The following RRAGC variants were observed in gnomAD, a reference collection of about 807,000 sequenced individuals.
RRAGC encodes ras-related GTP-binding protein C.
Under a neutral mutation model 37.1 loss-of-function variants are expected in RRAGC, and 8 were observed. The ratio of observed to expected loss-of-function variants is 0.22; its 90% CI spans 0.13 to 0.39. The LOEUF (loss-of-function observed/expected upper bound fraction) is 0.39. Among genes scored for constraint, RRAGC ranks in the 10% least tolerant of loss-of-function variants. The pLI is 1.00. For synonymous variants in RRAGC, 190 were observed against 181.1 expected, an observed-to-expected ratio of 1.05 and a Z score of -0.39; for missense variants, 342 against 497.6, an observed-to-expected ratio of 0.69 and a Z score of 2.98.
rs1411578344 is a variant in RRAGC, at chr1:38,852,404, G to C, written c.726C>G (p.Thr242=). The C allele has an allele frequency of 1.2e-6, 2 of 1,602,040 alleles. No homozygotes were observed. Among genetic ancestry groups the C allele is most frequent in the East Asian group, 2.2e-5 (1 of 44,726 alleles). Residue 242 remains threonine, a synonymous_variant, in exon 4 of 7, where the codon ACC becomes ACG. Transcript: ENST00000373001. ...VVQKLIPQLP[T]LENLLNIFIS... ...TAAAGATATTTAATAGGTTTTCCAA[G>C]GTCGGCAGTTGTGGAATGAGTTTCT...
chr1:38,842,947 T>C (rs936808649), intron 6 of RRAGC, among the ~76,000 whole-genome samples: 19 of 152,060 alleles, frequency 1.2e-4, no homozygotes, highest in Non-Finnish European at 2.6e-4. Context: ...CAATACTCTA[T>C]TGTTTAAGGA....
At position 38,854,260 on chromosome 1, in the gene RRAGC, A is replaced by C. The variant is rs368621250; in HGVS notation, c.641+1448T>G. Among the ~76,000 whole-genome samples the C allele has an allele frequency of 1.5e-4, 23 of 152,046 alleles. No individual in the cohort carries two copies. The East Asian group carries it at 4.3e-3, about 28-fold the overall frequency. ...TTTTTTGTATTTTTAGTAGAGACGGAGTTTCGCCATGTTGGCCAGGCTGGT... is the reference window on the plus strand; with the variant it reads ...TTTTTTGTATTTTTAGTAGAGACGGCGTTTCGCCATGTTGGCCAGGCTGGT... On this transcript the variant is annotated intron_variant, in intron 3 of 6. Coordinates refer to ENST00000373001, the MANE Select transcript of RRAGC (RefSeq NM_022157.4).
At chr1:38,844,982 CT>C (rs1310101790) in intron 6 of RRAGC, among the ~76,000 whole-genome samples, 2 of 152,160 alleles carry the variant, frequency 1.3e-5, no homozygotes, top group African/African-American at 4.8e-5. Context: ...ACAACAGATG[CT>C]GGAGAGGATG....
intron 5 of RRAGC, among the ~76,000 whole-genome samples, chr1:38,848,935 C>G (rs759197758): frequency 1.3e-5 from 2 of 151,830 alleles, no homozygotes; most frequent in Non-Finnish European, 2.9e-5. Context: ...AATTCAAGAC[C>G]AGCCTAGGCA....
chr1:38,855,673 T>C, intron 3 of RRAGC, 35 bp downstream of exon 3: 1 of 1,537,724 alleles, frequency 6.5e-7, no homozygotes, highest in Non-Finnish European at 9.0e-7. Context: ...TTACACCTTG[T>C]TCAGGGCTTT....
intron 1 of RRAGC, 124 bp downstream of exon 1, chr1:38,859,286 T>C: frequency 1.1e-6 from 1 of 910,946 alleles, no homozygotes; most frequent in Non-Finnish European, 1.6e-6. Context: ...CTCGCAAGAG[T>C]GGAAGAGAAA....
chr1:38,849,295 T>A (rs1029546707), intron 5 of RRAGC, among the ~76,000 whole-genome samples: 4 of 152,090 alleles, frequency 2.6e-5, no homozygotes, highest in Admixed American at 2.0e-4. Context: ...GTAATTCTCC[T>A]GCCTCATCCT....
Position 38,839,589 on chromosome 1 carries a change from C to T in RRAGC, c.1164G>A (p.Ala388=), listed in dbSNP as rs142105571. ...TTCGTGGCGTGCCATTGTGTGTCAG[C>T]GCTTTCAGACTGGAGGCACTAGTCT... The part of the protein sequence containing the change: ...GHQTSASSLK[A]LTHNGTPRNA... The change falls in exon 7 of 7, where the codon GCG becomes GCA. Residue 388 remains alanine (A), a synonymous_variant. Transcript: ENST00000373001. 262 of 1,613,938 alleles carry T rather than the reference C, an allele frequency of 1.6e-4. No individual in the cohort carries two copies. The highest frequency in any genetic ancestry group is 2.3e-4 in the African/African-American group (17 of 74,884).
intron 5 of RRAGC, among the ~76,000 whole-genome samples, chr1:38,851,279 T>TAAAA (rs1642098353): frequency 6.6e-6 from 1 of 152,018 alleles, no homozygotes; most frequent in South Asian, 2.1e-4. Flanking sequence ...TCAGACCATT[T>TAAAA]TAAATTAATC....
intron 5 of RRAGC, among the ~76,000 whole-genome samples, chr1:38,851,334 G>A (rs1292641179): frequency 6.6e-6 from 1 of 152,176 alleles, no homozygotes; most frequent in Admixed American, 6.6e-5. Context: ...AAGACACAGT[G>A]CAACCCTCCC....
intron 5 of RRAGC, among the ~76,000 whole-genome samples, chr1:38,848,782 C>T (rs902501023): frequency 6.6e-6 from 1 of 151,724 alleles, no homozygotes; most frequent in Non-Finnish European, 1.5e-5. Context: ...GCCAGGAGTT[C>T]GATACCAGCC....
At chr1:38,842,185 T>G (rs530100908) in intron 6 of RRAGC, among the ~76,000 whole-genome samples, 1 of 152,094 alleles carries the variant, frequency 6.6e-6, no homozygotes, top group African/African-American at 2.4e-5. Flanking sequence ...GGCAGGAGAA[T>G]GGCATGAACC....
At chr1:38,839,970 C>A (rs914894229) in intron 6 of RRAGC, among the ~76,000 whole-genome samples, 2 of 151,886 alleles carry the variant, frequency 1.3e-5, no homozygotes, top group South Asian at 2.1e-4. Context: ...CACGGTGAAA[C>A]CCCGTCTCTA....
At chr1:38,855,203 G>C (rs942539010) in intron 3 of RRAGC, among the ~76,000 whole-genome samples, 2 of 152,144 alleles carry the variant, frequency 1.3e-5, no homozygotes, top group African/African-American at 2.4e-5. Context: ...GTCAGTCCAG[G>C]GGGGAGGTGG....
intron 6 of RRAGC, among the ~76,000 whole-genome samples, chr1:38,844,867 T>C (rs1417230765): frequency 1.3e-5 from 2 of 152,086 alleles, no homozygotes; most frequent in Non-Finnish European, 2.9e-5. Context: ...AACGAATATA[T>C]GAAAAAAAGC....
At chr1:38,849,194 T>G (rs1424514497) in intron 5 of RRAGC, among the ~76,000 whole-genome samples, 1 of 152,080 alleles carries the variant, frequency 6.6e-6, no homozygotes, top group Non-Finnish European at 1.5e-5. Flanking sequence ...GGAGGATCAC[T>G]TGAGTCCAGG....
At chr1:38,841,415 A>G (rs1641961309) in intron 6 of RRAGC, among the ~76,000 whole-genome samples, 1 of 151,342 alleles carries the variant, frequency 6.6e-6, no homozygotes, top group Admixed American at 6.6e-5. Context: ...CACCCAGGCT[A>G]GAGTGCAGTG....
intron 6 of RRAGC, among the ~76,000 whole-genome samples, chr1:38,840,920 A>C (rs963639715): frequency 1.4e-4 from 21 of 150,716 alleles, no homozygotes; most frequent in Non-Finnish European, 1.8e-4. Context: ...AATAAAAGAC[A>C]ATCAAGGAAA....
At chr1:38,842,562 C>T (rs955365271) in intron 6 of RRAGC, among the ~76,000 whole-genome samples, 5 of 152,100 alleles carry the variant, frequency 3.3e-5, no homozygotes, top group Admixed American at 1.3e-4. Context: ...TTCCACAGAC[C>T]GGTGCCAGCC....
Sources: gnomAD v4.1 joint callset for allele counts (sites outside exome capture counted in the v4.1 genomes callset) on GRCh38, gnomAD v4.1.1 for gene constraint, MANE v1.5 for transcripts, NCBI Gene and HGNC (gene_info 2026-07-23, HGNC 2026-07-21) for gene names.